The following MEGF8 variants were observed in gnomAD, a reference collection of about 807,000 sequenced individuals.
MEGF8 encodes multiple EGF like domains 8.
A neutral mutation model predicts 302.9 loss-of-function variants in MEGF8; 156 were observed. The ratio of observed to expected loss-of-function variants is 0.52; its 90% CI spans 0.45 to 0.59. The LOEUF is 0.59. Ranked by LOEUF, MEGF8 falls within the 20% of genes least tolerant of loss-of-function variation. The pLI is 0.00. For synonymous variants in MEGF8, 1,621 were observed against 1,660.5 expected, an observed-to-expected ratio of 0.98 and a Z score of 0.58; for missense variants, 3,345 against 3,964.5, an observed-to-expected ratio of 0.84 and a Z score of 4.20.
intron 31 of MEGF8, 113 bp downstream of exon 31, chr19:42,359,355 A>AGAGCGG: frequency 2.1e-6 from 2 of 962,312 alleles, no homozygotes; most frequent in Non-Finnish European, 1.4e-6. Flanking sequence ...ACCCACTGGC[A>AGAGCGG]GAGCTCCCGC....
Position 42,354,654 on chromosome 19 carries a change from C to T in MEGF8, c.4078C>T (p.Arg1360Cys), listed in dbSNP as rs754006123. The change falls in exon 23 of 42, where the codon CGC becomes TGC. Residue 1360 changes from arginine to cysteine, a missense_variant. By Grantham distance (180) the Arg-to-Cys change is radical. Transcript: ENST00000251268. The surrounding 1 kb of genome is among the most constrained non-coding windows in gnomAD (Gnocchi z 4.3). ...GGACACTGGTGTTGTCCAGTCGGAC[C>T]GCAGCCTCATAGCTGCCTTCTGCGG... ...FLDTGVVQSD[R>C]SLIAAFCGQR... is the part of the protein sequence containing the mutation. 45 of 1,612,488 alleles carry T rather than the reference C, an allele frequency of 2.8e-5. No individual in the cohort carries two copies. The highest frequency in any genetic ancestry group is 3.1e-5 in the Non-Finnish European group (37 of 1,179,812).
intron 15 of MEGF8, among the ~76,000 whole-genome samples, chr19:42,350,737 C>A (rs1461986910): frequency 6.6e-6 from 1 of 152,176 alleles, no homozygotes. Flanking sequence ...GGGTTTGTTT[C>A]CTTGTGAGTG....
chr19:42,329,740 C>T (rs1392472141), intron 1 of MEGF8, among the ~76,000 whole-genome samples: 1 of 151,964 alleles, frequency 6.6e-6, no homozygotes, highest in Non-Finnish European at 1.5e-5. Context: ...TGGGTGGTGG[C>T]ATGTGCCTAT....
chr19:42,362,607 G>A lies in MEGF8; in HGVS notation c.6058+10G>A, dbSNP rs2147496851. On this transcript the variant is annotated intron_variant, in intron 34 of 41. Coordinates refer to ENST00000251268, the MANE Select transcript of MEGF8 (RefSeq NM_001271938.2). ...CAGTTCAAGAGGACAGGTGAGCAGT[G>A]GGCCTAGTTCCTGAGAGGGGAGTCT... is the stretch of plus-strand genomic sequence containing the variant. 6.2e-7 allele frequency: 1 copy of A among 1,608,240 alleles called. No homozygotes were observed. Among genetic ancestry groups the A allele is most frequent in the East Asian group, 2.2e-5 (1 of 44,826 alleles).
At chr19:42,373,926 T>C (rs2147516468) in intron 41 of MEGF8, among the ~76,000 whole-genome samples, 1 of 152,052 alleles carries the variant, frequency 6.6e-6, no homozygotes, top group Non-Finnish European at 1.5e-5. Context: ...TTGCCCAGAC[T>C]GGTCTCGAAC....
intron 35 of MEGF8, among the ~76,000 whole-genome samples, chr19:42,366,355 C>G (rs1037194156): frequency 1.3e-5 from 2 of 152,146 alleles, no homozygotes; most frequent in Non-Finnish European, 2.9e-5. Flanking sequence ...TGCACGCCAC[C>G]ACACCTGGCT....
In MEGF8 at chr19:42,352,318, G is replaced by A. The variant is rs1329121493; in HGVS notation, c.3212G>A (p.Arg1071His). ...CTCCCTGCCCGCTGGGCATACGCCC[G>A]CTGTCCTGACGTGGATGAGTGTCGC... ...VALPARWAYA[R>H]CPDVDECRLG... is the part of the protein sequence containing the mutation. The change falls in exon 19 of 42, where the codon CGC (arginine) becomes CAC (histidine). Residue 1071 changes from arginine to histidine, a missense_variant. By Grantham distance (29) the Arg-to-His change is conservative. Coordinates refer to ENST00000251268, the MANE Select transcript of MEGF8 (RefSeq NM_001271938.2). This position sits in a 1 kb window ranked among gnomAD's most constrained non-coding sequence, Gnocchi z 4.4. 5.1e-6 allele frequency: 8 copies of A among 1,579,702 alleles called. No homozygotes were observed. The highest frequency in any genetic ancestry group is 2.7e-5 in the African/African-American group (2 of 74,206).
chr19:42,370,557 A>T, intron 39 of MEGF8, 144 bp from the exon 40 acceptor site: 2 of 920,222 alleles, frequency 2.2e-6, no homozygotes, highest in South Asian at 3.5e-5. Flanking sequence ...TGGGGCCTGG[A>T]CTCCTGGATC....
chr19:42,362,247 C>A, intron 33 of MEGF8, 34 bp downstream of exon 33: 1 of 1,609,640 alleles, frequency 6.2e-7, no homozygotes, highest in African/African-American at 1.3e-5. Flanking sequence ...TGAGAAGCAG[C>A]AGGTGTAGGG....
Position 42,334,349 on chromosome 19 carries a change from C to T in MEGF8, c.558+136C>T, listed in dbSNP as rs2039095338. On this transcript the variant is annotated intron_variant, in intron 3 of 41. Coordinates refer to ENST00000251268, the MANE Select transcript of MEGF8 (RefSeq NM_001271938.2). ...CCACCCTCCTCCGTGACACCCACTT[C>T]CCTCTCCTTCCAGAGCTTGCCCCTC... The T allele has an allele frequency of 9.9e-6, 8 of 810,322 alleles. No homozygotes were observed. The South Asian group carries it at 1.5e-4, about 15-fold the overall frequency. 50.2% of individuals were successfully genotyped at this position (810,322 alleles called of 1,614,324 possible).
chr19:42,375,468 C>G lies in MEGF8; in HGVS notation c.7270-39C>G. 1 of 1,518,318 alleles carries G rather than the reference C, an allele frequency of 6.6e-7. No homozygotes were observed. Among genetic ancestry groups the G allele is most frequent in the South Asian group, 1.3e-5 (1 of 78,472 alleles). The allele number at this position is 1,518,318 out of a possible 1,614,324, so 94.1% of individuals were successfully genotyped here. A position where few individuals can be genotyped will look rare whatever the true frequency, so the allele number is the denominator to read the frequency against. On this transcript the variant is annotated intron_variant, in intron 41 of 41. Coordinates refer to ENST00000251268, the MANE Select transcript of MEGF8 (RefSeq NM_001271938.2). This position sits in a 1 kb window ranked among gnomAD's most constrained non-coding sequence, Gnocchi z 7.1. ...GCTTGGGGGACAGGCTGGCACCGCA[C>G]TCAGCCCTGATGGTCACCGCCTCTA... is the stretch of plus-strand genomic sequence containing the variant.
rs767970851 is a variant in MEGF8, at chr19:42,343,993, G to A, written c.1708G>A (p.Val570Ile). The A allele has an allele frequency of 1.9e-5, 31 of 1,613,604 alleles. No individual in the cohort carries two copies. The highest frequency in any genetic ancestry group is 2.4e-5 in the Non-Finnish European group (28 of 1,179,778). The change falls in exon 10 of 42, where the codon GTC becomes ATC. Residue 570 changes from valine to isoleucine, a missense_variant. Transcript: ENST00000251268. Reference protein sequence around the residue: ...DYCSMYTDHSVCSRDPECSWC... With the variant: ...DYCSMYTDHSICSRDPECSWC... ...CTGCTCCATGTACACAGACCACAGC[G>A]TCTGCTCCCGGGACCCGGAATGCAG...
chr19:42,339,226 TA>T (rs2039179304), intron 8 of MEGF8, among the ~76,000 whole-genome samples: 1 of 152,204 alleles, frequency 6.6e-6, no homozygotes, highest in Non-Finnish European at 1.5e-5. Context: ...ACATACACGT[TA>T]GAACAATTTA....
chr19:42,355,975 T>C lies in MEGF8; in HGVS notation c.4362T>C (p.Asn1454=). The change falls in exon 24 of 42, where the codon AAT becomes AAC. Residue 1454 remains asparagine, a synonymous_variant. Transcript: ENST00000251268. ...TGGCTCTGTGTCCTGAGAACTGCAA[T>C]GCCCACACTGGGGCAGGAACTTGTA... is the stretch of plus-strand genomic sequence containing the variant. ...CRMALCPENC[N]AHTGAGTCNQ... 6.2e-7 allele frequency: 1 copy of C among 1,612,270 alleles called. No individual in the cohort carries two copies. Among genetic ancestry groups the C allele is most frequent in the Non-Finnish European group, 8.5e-7 (1 of 1,179,340 alleles).
At chr19:42,326,593 C>T (rs1395623554) in intron 1 of MEGF8, among the ~76,000 whole-genome samples, 163 bp downstream of exon 1, 2 of 152,134 alleles carry the variant, frequency 1.3e-5, no homozygotes, top group African/African-American at 4.8e-5. Context: ...CCCTGGAAGG[C>T]CTCCAAGTCT....
In MEGF8 at chr19:42,353,222, C is replaced by T; in HGVS notation, c.3550+95C>T. The T allele has an allele frequency of 8.2e-7, 1 of 1,222,942 alleles. No homozygotes were observed. Among genetic ancestry groups the T allele is most frequent in the Non-Finnish European group, 1.1e-6 (1 of 892,392 alleles). 75.8% of individuals were successfully genotyped at this position (1,222,942 alleles called of 1,614,324 possible). ...CTCTTCTTGGAGGGGGCCTCAGTGT[C>T]CTCTCATGCAGCTCTAGGTCCCCTG... On this transcript the variant is annotated intron_variant, in intron 20 of 41. Transcript: ENST00000251268. The surrounding 1 kb of genome is among the most constrained non-coding windows in gnomAD (Gnocchi z 6.1).
rs2039762413 is a variant in MEGF8, at chr19:42,375,944, A to G, written c.7707A>G (p.Val2569=). ...GAPAEPRVRE[V]WPRGLITYVT... is the part of the protein sequence containing the mutation. ...CAGCAGAGCCACGGGTACGGGAGGT[A>G]TGGCCGCGGGGCCTGATTACCTACG... The change falls in exon 42 of 42, where the codon GTA becomes GTG. Residue 2569 remains valine, a synonymous_variant. Transcript: ENST00000251268. The surrounding 1 kb of genome is among the most constrained non-coding windows in gnomAD (Gnocchi z 7.1). 1 of 1,604,294 alleles carries G rather than the reference A, an allele frequency of 6.2e-7. No individual in the cohort carries two copies. Among genetic ancestry groups the G allele is most frequent in the Non-Finnish European group, 8.5e-7 (1 of 1,175,668 alleles).
chr19:42,341,683 G>A (rs980151435), intron 8 of MEGF8, among the ~76,000 whole-genome samples: 1 of 152,080 alleles, frequency 6.6e-6, no homozygotes, highest in African/African-American at 2.4e-5. Context: ...GGCCTCAAGC[G>A]AGCCTTGTGA....
In MEGF8 at chr19:42,375,640, G is replaced by A. The variant is rs774072433; in HGVS notation, c.7403G>A (p.Arg2468Gln). The A allele has an allele frequency of 1.1e-5, 17 of 1,609,148 alleles. No homozygotes were observed. The highest frequency in any genetic ancestry group is 5.3e-5 in the African/African-American group (4 of 74,834). The change falls in exon 42 of 42, where the codon CGG becomes CAG. Residue 2468 changes from arginine to glutamine, a missense_variant. Physicochemically the swap from Arg to Gln is conservative, Grantham distance 43. Coordinates refer to ENST00000251268, the MANE Select transcript of MEGF8 (RefSeq NM_001271938.2). The surrounding 1 kb of genome is among the most constrained non-coding windows in gnomAD (Gnocchi z 7.1). ...AACTGCTTCCATGAGCCCAAACGCC[G>A]GGCGCTAGGCCCCGGCCGCACTGTC... ...QTNCFHEPKR[R>Q]ALGPGRTVLF...
Sources: allele counts gnomAD v4.1 joint callset (sites outside exome capture counted in the v4.1 genomes callset), GRCh38; gene constraint gnomAD v4.1.1; non-coding constraint Gnocchi (gnomAD v3.1); transcripts MANE v1.5; gene names NCBI Gene and HGNC (gene_info 2026-07-23, HGNC 2026-07-21).